Variants in SLC19A3 observed in about 807,000 individuals in gnomAD.
SLC19A3 encodes solute carrier family 19 member 3, also known as thiamine transporter 2.
In SLC19A3, 31 loss-of-function variants were observed where a neutral mutation model predicts 40.2. The observed-to-expected ratio is 0.77, with a 90% CI of 0.58 to 1.04. SLC19A3 has a LOEUF of 1.04. SLC19A3 is among the 50% of genes least tolerant of loss of function. The pLI, the probability that SLC19A3 is intolerant of heterozygous loss-of-function variation, is 0.00. For missense variants in SLC19A3, 592 were observed against 596.7 expected, an observed-to-expected ratio of 0.99 and a Z score of 0.08; for synonymous variants, 212 against 227.5, an observed-to-expected ratio of 0.93 and a Z score of 0.61.
At chr2:227,690,893 G>C (rs1228977129) in intron 4 of SLC19A3, among the ~76,000 whole-genome samples, 1 of 151,794 alleles carries the variant, frequency 6.6e-6, no homozygotes, top group Non-Finnish European at 1.5e-5. Context: ...AGAAACATCA[G>C]ACTTAATCTG....
intron 4 of SLC19A3, among the ~76,000 whole-genome samples, chr2:227,692,771 T>C (rs989082477): frequency 9.2e-5 from 14 of 152,222 alleles, no homozygotes; most frequent in African/African-American, 3.4e-4. Context: ...TTATCCTTGC[T>C]TGCAGACGAT....
rs1694940544 is a variant in SLC19A3, at chr2:227,684,127, C to A, written c.*3270G>T. 6.6e-6 allele frequency: 1 copy of A among 152,078 alleles called. No homozygotes were observed. Among genetic ancestry groups the A allele is most frequent in the South Asian group, 2.1e-4 (1 of 4,824 alleles). The allele number at this position is 152,078 out of a possible 1,614,324, so 9.4% of individuals were successfully genotyped here. On this transcript the variant is annotated 3_prime_UTR_variant, in exon 6 of 6. Transcript: ENST00000644224. ...TTTGTCTTTTTAGAAAAGTTATACG[C>A]ATATATAAGCCAATACAGATATTTT... is the stretch of plus-strand genomic sequence containing the variant.
intron 1 of SLC19A3, among the ~76,000 whole-genome samples, chr2:227,715,096 A>G (rs1300313890): frequency 1.3e-5 from 2 of 152,124 alleles, no homozygotes; most frequent in African/African-American, 2.4e-5. Flanking sequence ...CTGGGATTAC[A>G]GGTGTGAGCC....
chr2:227,706,817 G>A (rs193075381), intron 1 of SLC19A3: 1 of 152,432 alleles, frequency 6.6e-6, no homozygotes, highest in Non-Finnish European at 1.5e-5. Context: ...CAGCCTATCA[G>A]GCTCTCACGA....
chr2:227,709,486 AAAC>A (rs1343883661), intron 1 of SLC19A3, among the ~76,000 whole-genome samples: 2 of 152,174 alleles, frequency 1.3e-5, no homozygotes, highest in African/African-American at 2.4e-5. Context: ...TCTGTCCCAA[AAAC>A]AACAACAACA....
intron 1 of SLC19A3, among the ~76,000 whole-genome samples, chr2:227,705,163 C>T (rs1187457935): frequency 6.6e-6 from 1 of 151,878 alleles, no homozygotes; most frequent in Non-Finnish European, 1.5e-5. Flanking sequence ...TTTAATGGTA[C>T]AAAAAATGTT....
chr2:227,705,207 CT>C (rs911573504), intron 1 of SLC19A3, among the ~76,000 whole-genome samples: 1 of 152,018 alleles, frequency 6.6e-6, no homozygotes, highest in African/African-American at 2.4e-5. Context: ...AAAGGCTAAG[CT>C]TTTTTTCTGA....
rs917468455 is a variant in SLC19A3 at position 227,703,030 on chromosome 2, T to G, written c.-2-710A>C. 1 of 152,422 alleles carries G rather than the reference T, an allele frequency of 6.6e-6. No homozygotes were observed. The highest frequency in any genetic ancestry group is 1.5e-5 in the Non-Finnish European group (1 of 68,258). 9.4% of individuals were successfully genotyped at this position (152,422 alleles called of 1,614,324 possible). The stretch of plus-strand genomic sequence containing the variant: ...AGATCCAAGATGCCCAAACACTGGC[T>G]TCAAACCACATGATCAAGATCTGAA... On this transcript the variant is annotated intron_variant, in intron 1 of 5. Transcript: ENST00000644224. This position sits in a 1 kb window ranked among gnomAD's most constrained non-coding sequence, Gnocchi z 4.7.
chr2:227,714,256 G>A (rs1170922095), intron 1 of SLC19A3, among the ~76,000 whole-genome samples: 4 of 152,240 alleles, frequency 2.6e-5, no homozygotes, highest in East Asian at 1.9e-4. Context: ...CAAGGCCTCC[G>A]TATAATAGGA....
At chr2:227,706,526 T>A (rs1187066514) in intron 1 of SLC19A3, 1 of 1,154,486 alleles carries the variant, frequency 8.7e-7, no homozygotes, top group African/African-American at 1.6e-5. Flanking sequence ...ATCCCAGCGC[T>A]TTGGGAGGCT....
In SLC19A3 at chr2:227,708,909, T is replaced by C. The variant is rs1696044418; in HGVS notation, c.-2-6589A>G. On this transcript the variant is annotated intron_variant, in intron 1 of 5. Transcript: ENST00000644224. The stretch of plus-strand genomic sequence containing the variant: ...GGGTTTGCTGCTGTATTTCCTTCAG[T>C]GAGTCTTATCTCAGAGTCACTGTGC... Among the ~76,000 whole-genome samples, 5 of 152,240 alleles carry C rather than the reference T, an allele frequency of 3.3e-5. No individual in the cohort carries two copies. The South Asian group carries it at 1.0e-3, about 31-fold the overall frequency.
Position 227,685,240 on chromosome 2 carries a change from C to G in SLC19A3, c.*2157G>C, listed in dbSNP as rs1055769273. ...TGTAAGAAAAGGGGTTTAATTAGCT[C>G]ACAGGCTATATAGGAAGCGTGGCAA... On this transcript the variant is annotated 3_prime_UTR_variant, in exon 6 of 6. Transcript: ENST00000644224. 6.6e-6 allele frequency: 1 copy of G among 152,142 alleles called. No homozygotes were observed. Among genetic ancestry groups the G allele is most frequent in the African/African-American group, 2.4e-5 (1 of 41,424 alleles). 9.4% of individuals were successfully genotyped at this position (152,142 alleles called of 1,614,324 possible). A position where few individuals can be genotyped will look rare whatever the true frequency, so the allele number is the denominator to read the frequency against.
rs1695717969 is a variant in SLC19A3 at position 227,702,086 on chromosome 2, A to G, written c.150+83T>C. On this transcript the variant is annotated intron_variant, in intron 2 of 5. Coordinates refer to ENST00000644224, the MANE Select transcript of SLC19A3 (RefSeq NM_025243.4). ...GAGTTTAATGTGTTCATCTTATATC[A>G]AGTTGAGGGAAGCCCTGTATCCTTG... is the stretch of plus-strand genomic sequence containing the variant. 3 of 1,088,842 alleles carry G rather than the reference A, an allele frequency of 2.8e-6. 1 individual carries two copies. Among genetic ancestry groups the G allele is most frequent in the Admixed American group, 3.5e-5 (2 of 56,778 alleles). 67.4% of individuals were successfully genotyped at this position (1,088,842 alleles called of 1,614,324 possible).
chr2:227,692,919 G>A (rs80055005), intron 4 of SLC19A3, among the ~76,000 whole-genome samples: 11,337 of 152,058 alleles, frequency 0.075, 1,182 homozygotes, highest in African/African-American at 0.24. Context: ...AGAACAATCT[G>A]GAAAAGAAAT....
intron 1 of SLC19A3, chr2:227,714,706 A>C: frequency 1.3e-5 from 4 of 301,634 alleles, no homozygotes; most frequent in Non-Finnish European, 1.8e-5. Flanking sequence ...TCCCATCCAA[A>C]AAAAAAAAAA....
intron 1 of SLC19A3, among the ~76,000 whole-genome samples, chr2:227,704,266 C>T (rs753934967): frequency 6.6e-6 from 1 of 152,190 alleles, no homozygotes; most frequent in Admixed American, 6.6e-5. Context: ...AGAATAAATT[C>T]AAGTGCTGCC....
At chr2:227,697,285 AAT>A (rs1428849334) in intron 3 of SLC19A3, among the ~76,000 whole-genome samples, 1 of 152,188 alleles carries the variant, frequency 6.6e-6, no homozygotes, top group East Asian at 1.9e-4. Context: ...ATAATAATAA[AAT>A]AGAGGTCACA....
At chr2:227,698,320 C>T (rs1695521767) in intron 3 of SLC19A3, among the ~76,000 whole-genome samples, 1 of 151,762 alleles carries the variant, frequency 6.6e-6, no homozygotes, top group African/African-American at 2.4e-5. Flanking sequence ...GCCACCATGA[C>T]CGGCTAATTT....
intron 4 of SLC19A3, among the ~76,000 whole-genome samples, chr2:227,688,767 CCAAA>C (rs965257775): frequency 1.3e-5 from 2 of 152,058 alleles, no homozygotes; most frequent in African/African-American, 4.8e-5. Context: ...AACGTTCTCA[CCAAA>C]CAAACTAAAT....
Sources: gnomAD v4.1 joint callset for allele counts (sites outside exome capture counted in the v4.1 genomes callset) on GRCh38, gnomAD v4.1.1 for gene constraint, Gnocchi (gnomAD v3.1) non-coding constraint, MANE v1.5 for transcripts, NCBI Gene and HGNC (gene_info 2026-07-23, HGNC 2026-07-21) for gene names.